Variants in TSPAN15 observed in about 807,000 individuals in gnomAD.
TSPAN15 encodes tetraspanin 15.
A neutral mutation model predicts 34.5 loss-of-function variants in TSPAN15; 20 were observed. That is an observed-to-expected ratio of 0.58 (90% confidence interval 0.41 to 0.84). The LOEUF is 0.84. Among genes scored for constraint, TSPAN15 ranks in the 40% least tolerant of loss-of-function variants. The pLI is 0.00. For missense variants in TSPAN15, 313 were observed against 386.1 expected, an observed-to-expected ratio of 0.81 and a Z score of 1.59; for synonymous variants, 155 against 153.9, an observed-to-expected ratio of 1.01 and a Z score of -0.05.
At position 69,485,815 on chromosome 10, in the gene TSPAN15, C is replaced by T. The variant is rs554754886; in HGVS notation, c.357+600C>T. ...GGGAATGGGGTAAGATTGCTTGTACCAAGGTGGAGGCAGTGGGCCTGGGCC... is the reference window on the plus strand; with the variant it reads ...GGGAATGGGGTAAGATTGCTTGTACTAAGGTGGAGGCAGTGGGCCTGGGCC... On this transcript the variant is annotated intron_variant, in intron 3 of 7. Coordinates refer to ENST00000373290, the MANE Select transcript of TSPAN15 (RefSeq NM_012339.5). 2.6e-5 allele frequency among the ~76,000 whole-genome samples: 4 copies of T among 152,194 alleles called. No homozygotes were observed. In the East Asian group the frequency reaches 5.8e-4, roughly 22 times the overall value.
At chr10:69,519,163 TC>T in the TSPAN15 span, among the ~76,000 whole-genome samples, 1 of 152,226 alleles carries the variant, frequency 6.6e-6, no homozygotes, top group Non-Finnish European at 1.5e-5. Context: ...AGGCCTGTAA[TC>T]CCAGCACTTT....
At chr10:69,539,527 A>AAGG in the TSPAN15 span, among the ~76,000 whole-genome samples, 15 of 91,360 alleles carry the variant, frequency 1.6e-4, no homozygotes, top group Middle Eastern at 5.7e-3. Context: ...GAAGAAGAAG[A>AAGG]AGAAGAAGAA....
intron 1 of TSPAN15, among the ~76,000 whole-genome samples, chr10:69,468,528 T>C (rs1841438205): frequency 6.6e-6 from 1 of 152,140 alleles, no homozygotes; most frequent in African/African-American, 2.4e-5. Context: ...CTTTTTTTTT[T>C]TTTTGAAAAA....
intron 1 of TSPAN15, among the ~76,000 whole-genome samples, chr10:69,453,408 T>A (rs1032368092): frequency 6.6e-6 from 1 of 152,146 alleles, no homozygotes; most frequent in Non-Finnish European, 1.5e-5. Context: ...TCCCCAGGAT[T>A]TCTGTGCCTG....
Position 69,506,212 on chromosome 10 carries a change from G to A in TSPAN15, c.707G>A (p.Gly236Asp). 6.2e-7 allele frequency: 1 copy of A among 1,614,166 alleles called. No individual in the cohort carries two copies. Among genetic ancestry groups the A allele is most frequent in the Non-Finnish European group, 8.5e-7 (1 of 1,180,024 alleles). Residue 236 changes from glycine to aspartate, a missense_variant, in exon 7 of 8, where the codon GGC (glycine) becomes GAC (aspartate). By Grantham distance (94) the Gly-to-Asp change is moderately conservative (BLOSUM62 -1). Coordinates refer to ENST00000373290, the MANE Select transcript of TSPAN15 (RefSeq NM_012339.5). This position sits in a 1 kb window ranked among gnomAD's most constrained non-coding sequence, Gnocchi z 4.7. ...ATGGACAACTACACCATCATGGCGGGCATCCTCCTGGGCATCCTGCTTCCC... is the reference window on the plus strand; with the variant it reads ...ATGGACAACTACACCATCATGGCGGACATCCTCCTGGGCATCCTGCTTCCC... ...WFMDNYTIMAGILLGILLPQF... is the reference protein window; with the variant it reads ...WFMDNYTIMADILLGILLPQF...
intron 1 of TSPAN15, among the ~76,000 whole-genome samples, chr10:69,462,321 T>G (rs1322190604): frequency 2.0e-5 from 3 of 151,730 alleles, no homozygotes; most frequent in African/African-American, 7.2e-5. Context: ...TATTTTTATT[T>G]TTATTTTATT....
At chr10:69,535,169 G>A in the TSPAN15 span, among the ~76,000 whole-genome samples, 1 of 152,110 alleles carries the variant, frequency 6.6e-6, no homozygotes, top group Non-Finnish European at 1.5e-5. Context: ...CAAGATTATA[G>A]CACTGAAATA....
chr10:69,501,017 A>G (rs1007199417), intron 5 of TSPAN15, among the ~76,000 whole-genome samples: 3 of 152,200 alleles, frequency 2.0e-5, no homozygotes, highest in Admixed American at 6.5e-5. Context: ...ATTTGCTCGC[A>G]TAGCAGATGT....
intron 1 of TSPAN15, among the ~76,000 whole-genome samples, chr10:69,475,563 A>G (rs1468938597): frequency 6.6e-6 from 1 of 152,076 alleles, no homozygotes; most frequent in African/African-American, 2.4e-5. Flanking sequence ...CCTGTGCTTC[A>G]TTTGTGGTTG....
At chr10:69,549,282 G>A in the TSPAN15 span, among the ~76,000 whole-genome samples, 3 of 152,264 alleles carry the variant, frequency 2.0e-5, no homozygotes, top group South Asian at 6.2e-4. Context: ...TTGCCCAGAG[G>A]TCAAAACAAC....
intron 1 of TSPAN15, among the ~76,000 whole-genome samples, chr10:69,461,360 A>G (rs1841252509): frequency 6.6e-6 from 1 of 152,182 alleles, no homozygotes; most frequent in Admixed American, 6.5e-5. Context: ...CCTGCAGGGA[A>G]GCAAGTATTT....
intron 3 of TSPAN15, 87 bp from the exon 4 acceptor site, chr10:69,495,507 C>A: frequency 1.0e-6 from 1 of 973,610 alleles, no homozygotes; most frequent in Non-Finnish European, 1.6e-6. Flanking sequence ...ACAAGGCATT[C>A]TCTACCCATC....
At chr10:69,539,441 GGAAGAAGAAGAA>G in the TSPAN15 span, among the ~76,000 whole-genome samples, 31 of 65,430 alleles carry the variant, frequency 4.7e-4, 2 homozygotes, top group South Asian at 8.5e-3. Flanking sequence ...AGAAGAAGAA[GGAAGAAGAAGAA>G]GAAGAAGAAG....
At chr10:69,545,461 T>C in the TSPAN15 span, among the ~76,000 whole-genome samples, 1 of 152,074 alleles carries the variant, frequency 6.6e-6, no homozygotes, top group Non-Finnish European at 1.5e-5. Context: ...GTCAGATGCC[T>C]GGGGAGGGAG....
At chr10:69,483,000 G>C (rs895190509) in intron 1 of TSPAN15, among the ~76,000 whole-genome samples, 13 of 151,240 alleles carry the variant, frequency 8.6e-5, no homozygotes, top group Non-Finnish European at 1.6e-4. Flanking sequence ...GTTGTTTTTT[G>C]TTTTTTGAGA....
chr10:69,548,227 C>A, the TSPAN15 span, among the ~76,000 whole-genome samples: 1 of 152,174 alleles, frequency 6.6e-6, no homozygotes, highest in Non-Finnish European at 1.5e-5. Context: ...GACTACTGAT[C>A]CTTGATTCTT....
At chr10:69,502,730 C>G (rs1842236408) in intron 5 of TSPAN15, among the ~76,000 whole-genome samples, 1 of 152,052 alleles carries the variant, frequency 6.6e-6, no homozygotes, top group African/African-American at 2.4e-5. Flanking sequence ...GAGGTGAGTC[C>G]CCCCTGGGCC....
intron 1 of TSPAN15, among the ~76,000 whole-genome samples, chr10:69,474,536 C>G (rs1841574549): frequency 6.6e-6 from 1 of 152,162 alleles, no homozygotes; most frequent in African/African-American, 2.4e-5. Flanking sequence ...TTACTCACTT[C>G]TGCTGGTGGT....
the TSPAN15 span, among the ~76,000 whole-genome samples, chr10:69,539,523 G>GAAA: frequency 8.7e-6 from 1 of 115,532 alleles, no homozygotes; most frequent in African/African-American, 3.4e-5. Flanking sequence ...AGAAGAAGAA[G>GAAA]AAGAAGAAGA....
Sources: allele counts gnomAD v4.1 joint callset (sites outside exome capture counted in the v4.1 genomes callset), GRCh38; gene constraint gnomAD v4.1.1; non-coding constraint Gnocchi (gnomAD v3.1); transcripts MANE v1.5; gene names NCBI Gene and HGNC (gene_info 2026-07-23, HGNC 2026-07-21).